The following CYP7B1 variants were observed in gnomAD, a reference collection of about 807,000 sequenced individuals.
CYP7B1 encodes cytochrome P450 family 7 subfamily B member 1.
A neutral mutation model predicts 42.7 loss-of-function variants in CYP7B1; 29 were observed. The ratio of observed to expected loss-of-function variants is 0.68; its 90% CI spans 0.51 to 0.93. The LOEUF is 0.93. Among genes scored for constraint, CYP7B1 ranks in the 40% least tolerant of loss-of-function variants. The pLI is 0.00. For missense variants in CYP7B1, 655 were observed against 600.5 expected (o/e 1.09, Z -0.95); for synonymous variants, 235 against 218.2 (o/e 1.08, Z -0.68).
In CYP7B1 at chr8:64,596,411, T is replaced by C; in HGVS notation, c.*231A>G. ...ACTAAAAAAACAACAACAACCCTGT[T>C]TTGAGCCTACCCTTAAGTTGATTTT... is the stretch of plus-strand genomic sequence containing the variant. On this transcript the variant is annotated 3_prime_UTR_variant, in exon 6 of 6. Transcript: ENST00000310193. The C allele has an allele frequency of 2.2e-6, 1 of 453,846 alleles. No individual in the cohort carries two copies. The highest frequency in any genetic ancestry group is 3.9e-5 in the East Asian group (1 of 25,742). 28.1% of individuals were successfully genotyped at this position (453,846 alleles called of 1,614,324 possible). A position where few individuals can be genotyped will look rare whatever the true frequency, so the allele number is the denominator to read the frequency against.
downstream of CYP7B1, among the ~76,000 whole-genome samples, chr8:64,590,527 C>T (rs1805020074): frequency 6.6e-6 from 1 of 152,154 alleles, no homozygotes; most frequent in Non-Finnish European, 1.5e-5. Flanking sequence ...TACTTCTGTC[C>T]ACACTAATAG....
chr8:64,678,164 G>A (rs1806480309), intron 1 of CYP7B1, among the ~76,000 whole-genome samples: 1 of 152,134 alleles, frequency 6.6e-6, no homozygotes, highest in African/African-American at 2.4e-5. Context: ...AGGGACTATG[G>A]GTGAAACCTA....
At chr8:64,754,504 C>A (rs542257743) in intron 1 of CYP7B1, among the ~76,000 whole-genome samples, 1 of 151,958 alleles carries the variant, frequency 6.6e-6, no homozygotes, top group Non-Finnish European at 1.5e-5. Context: ...GATAATTTAA[C>A]AAGTAGGGGT....
At chr8:64,774,426 C>T (rs1172908872) in intron 1 of CYP7B1, among the ~76,000 whole-genome samples, 2 of 152,120 alleles carry the variant, frequency 1.3e-5, no homozygotes, top group African/African-American at 4.8e-5. Flanking sequence ...CAGTCCCTTT[C>T]TTTTGCCTTA....
At chr8:64,603,605 T>G (rs147467910) in intron 5 of CYP7B1, among the ~76,000 whole-genome samples, 3 of 152,348 alleles carry the variant, frequency 2.0e-5, no homozygotes, top group Non-Finnish European at 4.4e-5. Flanking sequence ...AATGTGGAGA[T>G]AAAGCCTGTT....
At position 64,745,019 on chromosome 8, in the gene CYP7B1, T is replaced by A. The variant is rs190816344; in HGVS notation, c.122+53447A>T. The stretch of plus-strand genomic sequence containing the variant: ...ATAAACACATATGCTTTTGTAGATT[T>A]GTTGGAGAGATTCGTTAATTGCTTA... On this transcript the variant is annotated intron_variant, in intron 1 of 5. Transcript: ENST00000310193. Among the ~76,000 whole-genome samples the A allele has an allele frequency of 1.6e-4, 25 of 152,354 alleles. 1 individual carries two copies. The highest frequency in any genetic ancestry group is 6.2e-4 in the South Asian group (3 of 4,826).
chr8:64,712,127 A>C (rs967352240), intron 1 of CYP7B1, among the ~76,000 whole-genome samples: 2 of 152,204 alleles, frequency 1.3e-5, no homozygotes, highest in African/African-American at 4.8e-5. Flanking sequence ...TAGTAGTAAC[A>C]TTTGTAGTTG....
intron 1 of CYP7B1, among the ~76,000 whole-genome samples, chr8:64,760,940 G>C (rs532845469): frequency 6.6e-6 from 1 of 152,224 alleles, no homozygotes; most frequent in East Asian, 1.9e-4. Context: ...ACAAGATATG[G>C]AAATAACCTA....
intron 1 of CYP7B1, among the ~76,000 whole-genome samples, chr8:64,788,195 T>C (rs1222965731): frequency 1.3e-5 from 2 of 152,228 alleles, no homozygotes; most frequent in African/African-American, 2.4e-5. Context: ...CAATGATGTA[T>C]CAATATTGAC....
intron 4 of CYP7B1, among the ~76,000 whole-genome samples, chr8:64,608,451 G>C (rs1380203156): frequency 2.0e-5 from 3 of 152,180 alleles, no homozygotes; most frequent in African/African-American, 7.2e-5. Flanking sequence ...CTGTTAATTT[G>C]GGTCATCTTA....
chr8:64,588,482 T>C (rs113381102), downstream of CYP7B1, among the ~76,000 whole-genome samples: 488 of 152,364 alleles, frequency 3.2e-3, 8 homozygotes, highest in African/African-American at 0.011. Flanking sequence ...TCAAATCTCC[T>C]GTTAACAGAG....
rs373147462 is a variant in CYP7B1, at chr8:64,716,021, T to A, written c.122+82445A>T. 5.9e-5 allele frequency among the ~76,000 whole-genome samples: 9 copies of A among 152,378 alleles called. No homozygotes were observed. The East Asian group carries it at 1.7e-3, about 29-fold the overall frequency. On this transcript the variant is annotated intron_variant, in intron 1 of 5. Transcript: ENST00000310193. ...CAGTTTAGTTTATGCCTGTTTTTTA[T>A]CTTCTCTAAGTGAAAACATAAAACA...
At chr8:64,751,337 C>A (rs981690831) in intron 1 of CYP7B1, among the ~76,000 whole-genome samples, 1 of 152,054 alleles carries the variant, frequency 6.6e-6, no homozygotes, top group Non-Finnish European at 1.5e-5. Context: ...GAATTGTAAA[C>A]CTGTTTTTCT....
At chr8:64,652,779 G>T (rs1037938197) in intron 1 of CYP7B1, among the ~76,000 whole-genome samples, 3 of 152,184 alleles carry the variant, frequency 2.0e-5, no homozygotes, top group Non-Finnish European at 4.4e-5. Context: ...GGGAGGCAGA[G>T]CTTGCAGTGA....
At chr8:64,688,194 G>C (rs570708807) in intron 1 of CYP7B1, among the ~76,000 whole-genome samples, 1 of 152,312 alleles carries the variant, frequency 6.6e-6, no homozygotes, top group South Asian at 2.1e-4. Flanking sequence ...CACTACATCT[G>C]TGAAGGTCCT....
At chr8:64,715,310 G>A (rs939591895) in intron 1 of CYP7B1, among the ~76,000 whole-genome samples, 16 of 152,160 alleles carry the variant, frequency 1.1e-4, no homozygotes, top group African/African-American at 3.6e-4. Flanking sequence ...GGGCGAAGAG[G>A]TGGAAAATCA....
At chr8:64,777,535 G>A (rs569305910) in intron 1 of CYP7B1, among the ~76,000 whole-genome samples, 2 of 152,020 alleles carry the variant, frequency 1.3e-5, no homozygotes, top group Admixed American at 1.3e-4. Flanking sequence ...CATGGACCAC[G>A]TGCCGACTAT....
chr8:64,762,255 T>C (rs984932476), intron 1 of CYP7B1, among the ~76,000 whole-genome samples: 8 of 152,182 alleles, frequency 5.3e-5, no homozygotes, highest in Admixed American at 4.6e-4. Flanking sequence ...AAAATGATTA[T>C]CTGTAAAGCT....
intron 1 of CYP7B1, among the ~76,000 whole-genome samples, 167 bp from the exon 2 acceptor site, chr8:64,624,706 T>C (rs1805582190): frequency 6.6e-6 from 1 of 152,170 alleles, no homozygotes; most frequent in African/African-American, 2.4e-5. Flanking sequence ...ATGAGTTTAC[T>C]GAGCTTCTCC....
Sources: gnomAD v4.1 joint callset for allele counts (sites outside exome capture counted in the v4.1 genomes callset) on GRCh38, gnomAD v4.1.1 for gene constraint, MANE v1.5 for transcripts, NCBI Gene and HGNC (gene_info 2026-07-23, HGNC 2026-07-21) for gene names.